DPP10: variants seen among roughly 807,000 people sequenced by gnomAD.
DPP10 encodes inactive dipeptidyl peptidase 10.
DPP10 carries 33 observed loss-of-function variants against 120.9 expected under a neutral mutation model. That is an observed-to-expected ratio of 0.27 (90% confidence interval 0.21 to 0.37). DPP10 has a LOEUF of 0.37. DPP10 is among the 10% of genes least tolerant of loss of function. The probability of loss-of-function intolerance (pLI) is 1.00; values close to 1 mark genes in which losing one functional copy is unlikely to be tolerated. For synonymous variants in DPP10, 337 were observed against 326.1 expected (o/e 1.03, Z -0.36); for missense variants, 816 against 942.8 (o/e 0.87, Z 1.76).
intron 1 of DPP10, among the ~76,000 whole-genome samples, chr2:115,174,463 T>C (rs1209234971): frequency 6.6e-6 from 1 of 152,224 alleles, no homozygotes; most frequent in Non-Finnish European, 1.5e-5. Context: ...CTGGTTAATA[T>C]TCAGGCCATA....
intron 19 of DPP10, among the ~76,000 whole-genome samples, chr2:115,806,590 C>A (rs1386335849): frequency 6.6e-6 from 1 of 152,072 alleles, no homozygotes; most frequent in African/African-American, 2.4e-5. Flanking sequence ...GATGCCCTAC[C>A]AAGGATGAAA....
intron 3 of DPP10, among the ~76,000 whole-genome samples, chr2:115,406,981 C>G (rs1382414656): frequency 6.6e-6 from 1 of 152,122 alleles, no homozygotes; most frequent in Non-Finnish European, 1.5e-5. Context: ...CATGCAGACA[C>G]TTTGAAGAGT....
At chr2:115,008,592 G>C (rs76941899) in intron 1 of DPP10, among the ~76,000 whole-genome samples, 1,575 of 75,248 alleles carry the variant, frequency 0.021, 11 homozygotes, top group African/African-American at 0.024. Context: ...TCTAATTAAA[G>C]TAAAGAGCTT....
At chr2:114,563,600 G>A (rs182350233) in intron 1 of DPP10, among the ~76,000 whole-genome samples, 14 of 152,236 alleles carry the variant, frequency 9.2e-5, no homozygotes, top group Admixed American at 8.5e-4. Context: ...ATTGACATCT[G>A]CTATTTACTC....
At chr2:114,648,755 G>C (rs1333772685) in intron 1 of DPP10, among the ~76,000 whole-genome samples, 1 of 152,180 alleles carries the variant, frequency 6.6e-6, no homozygotes, top group African/African-American at 2.4e-5. Context: ...CAGGGCTCCA[G>C]AGTCAGGTGC....
intron 17 of DPP10, among the ~76,000 whole-genome samples, chr2:115,786,712 A>G (rs1303018524): frequency 3.9e-5 from 6 of 152,194 alleles, no homozygotes; most frequent in Admixed American, 3.3e-4. Context: ...ATACAATGAT[A>G]TCTCTGAGTT....
intron 1 of DPP10, among the ~76,000 whole-genome samples, chr2:114,525,870 C>T (rs564650247): frequency 6.6e-6 from 1 of 152,162 alleles, no homozygotes; most frequent in Non-Finnish European, 1.5e-5. Context: ...CCTACCTTTA[C>T]CATGAAGCAT....
intron 1 of DPP10, among the ~76,000 whole-genome samples, chr2:115,188,844 A>C (rs948592585): frequency 1.3e-5 from 2 of 152,196 alleles, no homozygotes; most frequent in African/African-American, 4.8e-5. Flanking sequence ...AATATGAAAA[A>C]AAAAAGCACA....
At chr2:115,314,777 T>G (rs1399806610) in intron 2 of DPP10, among the ~76,000 whole-genome samples, 1 of 152,174 alleles carries the variant, frequency 6.6e-6, no homozygotes, top group Non-Finnish European at 1.5e-5. Flanking sequence ...CATGAAGCTA[T>G]GCTCAATTAG....
rs887368376 is a variant in DPP10, at chr2:115,612,039, G to A, written c.442-77648G>A. On this transcript the variant is annotated intron_variant, in intron 5 of 25. Transcript: ENST00000410059. ...CTATTCCAAATACATTTCTAGGTAT[G>A]TGAGATATATTACAATATGGAAGGA... Among the ~76,000 whole-genome samples the A allele has an allele frequency of 3.3e-5, 5 of 152,238 alleles. No homozygotes were observed. In the East Asian group the frequency reaches 5.8e-4, roughly 18 times the overall value.
intron 2 of DPP10, among the ~76,000 whole-genome samples, chr2:115,320,122 A>G (rs1365802416): frequency 2.0e-5 from 3 of 152,164 alleles, no homozygotes; most frequent in Non-Finnish European, 2.9e-5. Context: ...ATTTTTCAAT[A>G]TATAGTATCA....
Position 115,343,872 on chromosome 2 carries a change from A to T in DPP10, c.231A>T (p.Lys77Asn), listed in dbSNP as rs182925546. The T allele has an allele frequency of 2.5e-6, 4 of 1,612,288 alleles. No homozygotes were observed. The highest frequency in any genetic ancestry group is 2.7e-5 in the African/African-American group (2 of 74,938). ...TRLSLEDLFR[K>N]DFVLHDPEAR... Reference sequence around the variant, plus strand: ...TGTCTTTGGAAGACCTCTTTAGGAAAGACTTTGTGCTTCACGATCCAGAGG... The same window carrying T: ...TGTCTTTGGAAGACCTCTTTAGGAATGACTTTGTGCTTCACGATCCAGAGG... The change falls in exon 3 of 26, where the codon AAA becomes AAT. Residue 77 changes from lysine to asparagine, a missense_variant. By Grantham distance (94) the Lys-to-Asn change is moderately conservative. Around this residue, in one of 3 missense-constraint regions of DPP10, gnomAD observed 182 missense variants for 207.4 expected, o/e 0.88. Coordinates refer to ENST00000410059, the MANE Select transcript of DPP10 (RefSeq NM_020868.6).
At chr2:114,801,521 G>A (rs555034559) in intron 1 of DPP10, among the ~76,000 whole-genome samples, 3 of 152,240 alleles carry the variant, frequency 2.0e-5, no homozygotes, top group African/African-American at 7.2e-5. Flanking sequence ...CAACCTCTTT[G>A]TGTTTCTGTT....
At chr2:115,683,559 G>T (rs2090794893) in intron 5 of DPP10, among the ~76,000 whole-genome samples, 1 of 151,850 alleles carries the variant, frequency 6.6e-6, no homozygotes, top group Non-Finnish European at 1.5e-5. Context: ...CTCTGGTAGG[G>T]GATATTGATA....
intron 1 of DPP10, among the ~76,000 whole-genome samples, chr2:114,579,436 T>C (rs74792509): frequency 0.012 from 1,839 of 152,264 alleles, 40 homozygotes; most frequent in African/African-American, 0.042. Flanking sequence ...TCTCCAAAAA[T>C]ACTGAAACTC....
chr2:114,852,367 A>G (rs1166437250), intron 1 of DPP10, among the ~76,000 whole-genome samples: 4 of 151,658 alleles, frequency 2.6e-5, no homozygotes, highest in Admixed American at 6.6e-5. Context: ...CGTGGGTTCA[A>G]CCAACCACAG....
chr2:114,923,540 G>A (rs867592249), intron 1 of DPP10, among the ~76,000 whole-genome samples: 8 of 131,166 alleles, frequency 6.1e-5, no homozygotes, highest in African/African-American at 1.8e-4. Flanking sequence ...GTGCAATGGC[G>A]TGATCTCAGC....
chr2:115,537,562 T>TA (rs2078927743), intron 5 of DPP10, among the ~76,000 whole-genome samples: 1 of 76,046 alleles, frequency 1.3e-5, no homozygotes, highest in African/African-American at 3.5e-5. Flanking sequence ...GACACATCAC[T>TA]GTTTTTTTTT....
At chr2:115,659,419 A>G (rs1177158958) in intron 5 of DPP10, among the ~76,000 whole-genome samples, 1 of 152,138 alleles carries the variant, frequency 6.6e-6, no homozygotes, top group Non-Finnish European at 1.5e-5. Flanking sequence ...AAAAAAGTTT[A>G]GAATTGAAAC....
Sources: allele counts gnomAD v4.1 joint callset (sites outside exome capture counted in the v4.1 genomes callset), GRCh38; gene constraint gnomAD v4.1.1; regional missense constraint gnomAD v4.1.1; transcripts MANE v1.5; gene names NCBI Gene and HGNC (gene_info 2026-07-23, HGNC 2026-07-21).